Variants in DGKQ observed in about 807,000 individuals in gnomAD.
DGKQ encodes diacylglycerol kinase theta.
In DGKQ, 97 loss-of-function variants were observed where a neutral mutation model predicts 104.2. That is an observed-to-expected ratio of 0.93 (90% CI 0.79 to 1.10). The LOEUF is 1.10. Ranked by LOEUF, DGKQ falls within the 50% of genes least tolerant of loss-of-function variation. The pLI is 0.00. For synonymous variants in DGKQ, 736 were observed against 595.2 expected, an observed-to-expected ratio of 1.24 and a Z score of -3.44; for missense variants, 1,465 against 1,352.1, an observed-to-expected ratio of 1.08 and a Z score of -1.31.
chr4:965,303 G>A lies in DGKQ; in HGVS notation c.1619-12C>T. Reference sequence around the variant, plus strand: ...CAACACTACCGCGCCTGCGGCAGGAGCCCAGGACTCAGGGGGAGCCTGTCC... The same window carrying A: ...CAACACTACCGCGCCTGCGGCAGGAACCCAGGACTCAGGGGGAGCCTGTCC... On this transcript the variant is annotated splice_polypyrimidine_tract_variant and intron_variant, in intron 14 of 22. Transcript: ENST00000273814. The A allele has an allele frequency of 1.2e-6, 2 of 1,610,600 alleles. No individual in the cohort carries two copies. The highest frequency in any genetic ancestry group is 1.7e-4 in the Middle Eastern group (1 of 6,046).
At chr4:964,403 T>C (rs1712131092) in intron 15 of DGKQ, among the ~76,000 whole-genome samples, 1 of 152,206 alleles carries the variant, frequency 6.6e-6, no homozygotes, top group Non-Finnish European at 1.5e-5. Flanking sequence ...CTTTGGGGGC[T>C]AGATGGGCTG....
At chr4:965,130 G>C (rs1712200790) in intron 15 of DGKQ, 46 bp downstream of exon 15, 1 of 1,541,948 alleles carries the variant, frequency 6.5e-7, no homozygotes. Context: ...CCTCCCTCTG[G>C]CCACCCCCTG....
In DGKQ at chr4:962,764, G is replaced by A. The variant is rs773710021; in HGVS notation, c.2035+8C>T. On this transcript the variant is annotated splice_region_variant and intron_variant, in intron 17 of 22. Transcript: ENST00000273814. Reference sequence around the variant, plus strand: ...AGGCCCCCTCCTCGGCTGCACGGCTGAGCCCACCTGTGCCCAGGGGCAGGA... The same window carrying A: ...AGGCCCCCTCCTCGGCTGCACGGCTAAGCCCACCTGTGCCCAGGGGCAGGA... 2 of 1,603,592 alleles carry A rather than the reference G, an allele frequency of 1.2e-6. No individual in the cohort carries two copies. Among genetic ancestry groups the A allele is most frequent in the Non-Finnish European group, 1.7e-6 (2 of 1,175,882 alleles).
Position 973,433 on chromosome 4 carries a change from G to A in DGKQ, c.50C>T (p.Ser17Phe), listed in dbSNP as rs1483296785. 3.0e-6 allele frequency: 3 copies of A among 989,442 alleles called. No individual in the cohort carries two copies. The highest frequency in any genetic ancestry group is 1.8e-5 in the African/African-American group (1 of 56,878). The allele number at this position is 989,442 out of a possible 1,614,324, so 61.3% of individuals were successfully genotyped here. ...PGARAWLGGG[S>F]PRPGSPACSP... Reference sequence around the variant, plus strand: ...GCAGGCCGGGCTGCCGGGGCGCGGGGAGCCGCCGCCCAGCCAGGCGCGGGC... The same window carrying A: ...GCAGGCCGGGCTGCCGGGGCGCGGGAAGCCGCCGCCCAGCCAGGCGCGGGC... Residue 17 changes from serine (S) to phenylalanine (F), a missense_variant, in exon 1 of 23, where the codon TCC becomes TTC. Transcript: ENST00000273814.
At chr4:964,976 G>C (rs1456507202) in intron 15 of DGKQ, among the ~76,000 whole-genome samples, 200 bp downstream of exon 15, 1 of 152,158 alleles carries the variant, frequency 6.6e-6, no homozygotes, top group African/African-American at 2.4e-5. Flanking sequence ...CAGGCCCCTT[G>C]CTGTAAAACG....
In DGKQ at chr4:968,319, A is replaced by C; in HGVS notation, c.626T>G (p.Val209Gly). 1 of 1,170,478 alleles carries C rather than the reference A, an allele frequency of 8.5e-7. No individual in the cohort carries two copies. The highest frequency in any genetic ancestry group is 1.1e-6 in the Non-Finnish European group (1 of 932,050). The allele number at this position is 1,170,478 out of a possible 1,614,324, so 72.5% of individuals were successfully genotyped here. ...VCRKTCGSSD[V>G]LAGVRCEWCG... ...CCACTCGCAGCGCACGCCGGCCAGC[A>C]CGTCAGAGGAGCCGCACGTCTTCCT... The change falls in exon 5 of 23, where the codon GTG (valine) becomes GGG (glycine). Residue 209 changes from valine to glycine, a missense_variant. By Grantham distance (109) the Val-to-Gly change is moderately radical. Coordinates refer to ENST00000273814, the MANE Select transcript of DGKQ (RefSeq NM_001347.4).
At position 966,795 on chromosome 4, in the gene DGKQ, C is replaced by T. The variant is rs540437708; in HGVS notation, c.1319G>A (p.Ser440Asn). ...VLPLLGRQAE[S>N]PESFQLVEVA... ...CTCCACCAGCTGGAAGCTCTCGGGA[C>T]TCTCGGCCTGTTGGGGTAGAGCTTG... is the stretch of plus-strand genomic sequence containing the variant. Residue 440 changes from serine to asparagine, a missense_variant, in exon 11 of 23, where the codon AGT (serine) becomes AAT (asparagine). By Grantham distance (46) the Ser-to-Asn change is conservative. Coordinates refer to ENST00000273814, the MANE Select transcript of DGKQ (RefSeq NM_001347.4). The T allele has an allele frequency of 4.3e-6, 7 of 1,609,854 alleles. No individual in the cohort carries two copies. The highest frequency in any genetic ancestry group is 5.9e-6 in the Non-Finnish European group (7 of 1,178,698).
In DGKQ at chr4:967,532, C is replaced by T; in HGVS notation, c.987+17G>A. 6.2e-7 allele frequency: 1 copy of T among 1,610,166 alleles called. No individual in the cohort carries two copies. The highest frequency in any genetic ancestry group is 8.5e-7 in the Non-Finnish European group (1 of 1,178,280). Reference sequence around the variant, plus strand: ...GTCCTGGGAGGGGGCTCAGACCTCCCCCAGCCTCCCCCTTACCAGCACCTC... The same window carrying T: ...GTCCTGGGAGGGGGCTCAGACCTCCTCCAGCCTCCCCCTTACCAGCACCTC... On this transcript the variant is annotated intron_variant, in intron 8 of 22. Transcript: ENST00000273814.
intron 5 of DGKQ, 58 bp downstream of exon 5, chr4:968,224 C>T: frequency 1.1e-6 from 1 of 892,504 alleles, no homozygotes. Flanking sequence ...TCCCAGCACC[C>T]ACCCAACCCC....
At chr4:963,939 A>G (rs974552985) in intron 15 of DGKQ, 7 of 153,504 alleles carry the variant, frequency 4.6e-5, no homozygotes, top group African/African-American at 1.7e-4. Context: ...AAGGCTGGGC[A>G]ACAGGAGACA....
rs1159919130 is a variant in DGKQ, at chr4:968,903, A to G, written c.359T>C (p.Val120Ala). 2.5e-6 allele frequency: 4 copies of G among 1,588,856 alleles called. No homozygotes were observed. The highest frequency in any genetic ancestry group is 2.6e-6 in the Non-Finnish European group (3 of 1,164,648). The change falls in exon 3 of 23, where the codon GTA becomes GCA. Residue 120 changes from valine (V) to alanine (A), a missense_variant. Transcript: ENST00000273814. ...CCCCCGGGGGCCGAAGCAGTGGGCTACAGGAACCTGGTGGGGCAGCCTCAC... is the reference window on the plus strand; with the variant it reads ...CCCCCGGGGGCCGAAGCAGTGGGCTGCAGGAACCTGGTGGGGCAGCCTCAC... ...SVAPSLVRVP[V>A]AHCFGPRGLH...
At chr4:966,444 G>T (rs548869218) in intron 12 of DGKQ, 22 bp downstream of exon 12, 1 of 1,610,436 alleles carries the variant, frequency 6.2e-7, no homozygotes. Context: ...TTCCCTGGGG[G>T]CCGGCGTCCA....
rs1396376780 is a variant in DGKQ, at chr4:962,503, T to C, written c.2146A>G (p.Thr716Ala). 4.3e-6 allele frequency: 7 copies of C among 1,609,220 alleles called. No homozygotes were observed. In the Admixed American group the frequency reaches 1.2e-4, roughly 27 times the overall value. Residue 716 changes from threonine (T) to alanine (A), a missense_variant, in exon 18 of 23, where the codon ACC (threonine) becomes GCC (alanine). Coordinates refer to ENST00000273814, the MANE Select transcript of DGKQ (RefSeq NM_001347.4). ...GCCTCGTGGGCATCCAGCAGGATGG[T>C]CCAGCGGTCCATGAGCACGGCGTCG... Reference protein sequence around the residue: ...EADAVLMDRWTILLDAHEAGS... With the variant: ...EADAVLMDRWAILLDAHEAGS...
rs893305930 is a variant in DGKQ, at chr4:970,556, A to G, written c.351+437T>C. On this transcript the variant is annotated intron_variant, in intron 2 of 22. Transcript: ENST00000273814. Reference sequence around the variant, plus strand: ...CCTTGAGATGCTTGTGGGTTCACACATAGCTGTGAGGAAACTGAACAGACC... The same window carrying G: ...CCTTGAGATGCTTGTGGGTTCACACGTAGCTGTGAGGAAACTGAACAGACC... Among the ~76,000 whole-genome samples the G allele has an allele frequency of 3.3e-5, 5 of 152,184 alleles. No individual in the cohort carries two copies. In the South Asian group the frequency reaches 6.2e-4, roughly 19 times the overall value.
In DGKQ at chr4:970,929, G is replaced by C. The variant is rs1044609005; in HGVS notation, c.351+64C>G. 2.0e-5 allele frequency: 26 copies of C among 1,313,092 alleles called. No homozygotes were observed. In the South Asian group the frequency reaches 2.3e-4, roughly 12 times the overall value. The allele number at this position is 1,313,092 out of a possible 1,614,324, so 81.3% of individuals were successfully genotyped here. On this transcript the variant is annotated intron_variant, in intron 2 of 22. Coordinates refer to ENST00000273814, the MANE Select transcript of DGKQ (RefSeq NM_001347.4). ...CTGACATGAAGGTTTTCAGTGCCTC[G>C]ACCCTACGAGAGCTGACACATCCCC...
At chr4:968,079 C>T in intron 5 of DGKQ, 52 bp from the exon 6 acceptor site, 1 of 1,259,146 alleles carries the variant, frequency 7.9e-7, no homozygotes, top group Middle Eastern at 2.8e-4. Context: ...TGCGGGGGCA[C>T]CAGGTGCGCC....
chr4:973,250 G>C lies in DGKQ; in HGVS notation c.233C>G (p.Ser78Cys). The part of the protein sequence containing the change: ...LTKPTFCHLC[S>C]DFIWGLAGFL... ...GCCGGCCAGCCCCCAGATGAAGTCG[G>C]AGCAGAGGTGGCAGAAGGTGGGCTT... The change falls in exon 1 of 23, where the codon TCC (serine) becomes TGC (cysteine). Residue 78 changes from serine (S) to cysteine (C), a missense_variant. By Grantham distance (112) the Ser-to-Cys change is moderately radical. Transcript: ENST00000273814. 6.4e-7 allele frequency: 1 copy of C among 1,558,850 alleles called. No individual in the cohort carries two copies. Among genetic ancestry groups the C allele is most frequent in the Non-Finnish European group, 8.7e-7 (1 of 1,155,750 alleles).
At position 967,162 on chromosome 4, in the gene DGKQ, T is replaced by C. The variant is rs1712438914; in HGVS notation, c.1187A>G (p.Gln396Arg). 2 of 1,598,626 alleles carry C rather than the reference T, an allele frequency of 1.3e-6. No homozygotes were observed. Among genetic ancestry groups the C allele is most frequent in the Non-Finnish European group, 1.7e-6 (2 of 1,173,252 alleles). ...GCCAGGGTAGATCTTCAGGACCTCC[T>C]GGGCCCGCGGCAGAGCCCGGATGAC... The part of the protein sequence containing the change: ...AWVIRALPRA[Q>R]EVLKIYPGWL... Residue 396 changes from glutamine (Q) to arginine (R), a missense_variant, in exon 9 of 23, where the codon CAG becomes CGG. Physicochemically the swap from Gln to Arg is conservative, Grantham distance 43. Coordinates refer to ENST00000273814, the MANE Select transcript of DGKQ (RefSeq NM_001347.4).
In DGKQ at chr4:970,152, C is replaced by T. The variant is rs540068780; in HGVS notation, c.351+841G>A. Among the ~76,000 whole-genome samples, 55 of 152,372 alleles carry T rather than the reference C, an allele frequency of 3.6e-4. No individual in the cohort carries two copies. The Middle Eastern group carries it at 0.014, about 38-fold the overall frequency. On this transcript the variant is annotated intron_variant, in intron 2 of 22. Transcript: ENST00000273814. ...GGGAACTGCATCATTAGGAACAGGG[C>T]GTCAGACATTAGAGGGGACGGCGCA...
Sources: gnomAD v4.1 joint callset for allele counts (sites outside exome capture counted in the v4.1 genomes callset) on GRCh38, gnomAD v4.1.1 for gene constraint, MANE v1.5 for transcripts, NCBI Gene and HGNC (gene_info 2026-07-23, HGNC 2026-07-21) for gene names.